The following PCDHGA2 variants were observed in gnomAD, a reference collection of about 807,000 sequenced individuals.
PCDHGA2 encodes protocadherin gamma subfamily A, 2.
Under a neutral mutation model 59.2 loss-of-function variants are expected in PCDHGA2, and 40 were observed. The observed-to-expected ratio is 0.68, with a 90% CI of 0.52 to 0.88. The LOEUF (loss-of-function observed/expected upper bound fraction) is 0.88. Ranked by LOEUF, PCDHGA2 falls within the 40% of genes least tolerant of loss-of-function variation. The pLI is 0.00. For synonymous variants in PCDHGA2, 560 were observed against 526.0 expected (o/e 1.06, Z -0.89); for missense variants, 1,226 against 1,204.0 (o/e 1.02, Z -0.27).
chr5:141,502,250 TA>T (rs2099813542), intron 2 of PCDHGA2, among the ~76,000 whole-genome samples: 1 of 152,242 alleles, frequency 6.6e-6, no homozygotes, highest in African/African-American at 2.4e-5. Flanking sequence ...TCCTTTTTTT[TA>T]ATCCAGGATT....
chr5:141,496,737 C>T (rs900394639), intron 2 of PCDHGA2, among the ~76,000 whole-genome samples: 9 of 152,168 alleles, frequency 5.9e-5, no homozygotes, highest in African/African-American at 2.2e-4. Context: ...TTCATTCGTT[C>T]ATTTATTCAA....
At chr5:141,413,229 C>A in intron 1 of PCDHGA2, 1 of 1,613,914 alleles carries the variant, frequency 6.2e-7, no homozygotes, top group South Asian at 1.1e-5. Context: ...GCGGGCTGGT[C>A]CTGCTCTGCC....
chr5:141,456,968 A>AAAACAAAC (rs202005606), intron 1 of PCDHGA2, among the ~76,000 whole-genome samples: 1 of 152,282 alleles, frequency 6.6e-6, no homozygotes, highest in Admixed American at 6.5e-5. Flanking sequence ...ATCTCAAAAC[A>AAAACAAAC]AAACAAACAA....
Position 141,487,007 on chromosome 5 carries a change from G to C in PCDHGA2, c.2425-7800G>C, listed in dbSNP as rs563548715. On this transcript the variant is annotated intron_variant, in intron 1 of 3. Transcript: ENST00000394576. This position sits in a 1 kb window ranked among gnomAD's most constrained non-coding sequence, Gnocchi z 5.0. ...TGCTTGGGTTTCCTATCAGCTCCTG[G>C]AGGCCCCAGATCCCAGCCTGTTTGC... The C allele has an allele frequency of 6.2e-7, 1 of 1,614,206 alleles. No individual in the cohort carries two copies. Among genetic ancestry groups the C allele is most frequent in the Non-Finnish European group, 8.5e-7 (1 of 1,180,042 alleles).
chr5:141,468,458 G>A (rs1047447240), intron 1 of PCDHGA2: 3 of 152,134 alleles, frequency 2.0e-5, no homozygotes, highest in African/African-American at 7.2e-5. Flanking sequence ...ATTAAAGCAA[G>A]TTATTTCTGA....
At chr5:141,449,273 C>T (rs1168190907) in intron 1 of PCDHGA2, among the ~76,000 whole-genome samples, 1 of 151,982 alleles carries the variant, frequency 6.6e-6, no homozygotes, top group Non-Finnish European at 1.5e-5. Flanking sequence ...ACTGTATCTC[C>T]TTCACCCGGA....
chr5:141,409,735 C>G lies in PCDHGA2; in HGVS notation c.2424+68340C>G, dbSNP rs763035733. Reference sequence around the variant, plus strand: ...CATACGTGTCAGTGAGCGCGCAGAGCGGGGTGGTGTTCGCGCAGCGCGCCT... The same window carrying G: ...CATACGTGTCAGTGAGCGCGCAGAGGGGGGTGGTGTTCGCGCAGCGCGCCT... On this transcript the variant is annotated intron_variant, in intron 1 of 3. Transcript: ENST00000394576. The G allele has an allele frequency of 3.7e-6, 6 of 1,613,006 alleles. No homozygotes were observed. The African/African-American group carries it at 8.0e-5, about 22-fold the overall frequency.
At chr5:141,383,731 A>C (rs373290954) in intron 1 of PCDHGA2, 4 of 1,613,882 alleles carry the variant, frequency 2.5e-6, no homozygotes, top group Non-Finnish European at 3.4e-6. Context: ...TGGGGAAGTG[A>C]CATATTCTTT....
At chr5:141,343,858 A>G in intron 1 of PCDHGA2, 1 of 552,346 alleles carries the variant, frequency 1.8e-6, no homozygotes, top group Non-Finnish European at 3.1e-6. Flanking sequence ...AATGCAAAGA[A>G]CCAGCAAATC....
At chr5:141,427,444 G>T (rs1184893966) in intron 1 of PCDHGA2, 1 of 482,228 alleles carries the variant, frequency 2.1e-6, no homozygotes, top group South Asian at 1.5e-5. Flanking sequence ...ATAAACGAAA[G>T]AGTTCCTTTT....
intron 1 of PCDHGA2, chr5:141,415,308 C>T: frequency 6.2e-7 from 1 of 1,614,236 alleles, no homozygotes; most frequent in Non-Finnish European, 8.5e-7. Flanking sequence ...TCCTGGCCTT[C>T]GTCATCGTGC....
At chr5:141,479,312 A>G (rs1218187495) in intron 1 of PCDHGA2, 5 of 152,526 alleles carry the variant, frequency 3.3e-5, no homozygotes, top group African/African-American at 9.6e-5. Context: ...GAAAACATAA[A>G]GTAGCCAGAC....
Position 141,365,610 on chromosome 5 carries a change from A to G in PCDHGA2, c.2424+24215A>G, listed in dbSNP as rs1764018673. 6.8e-6 allele frequency: 11 copies of G among 1,613,570 alleles called. No homozygotes were observed. Among genetic ancestry groups the G allele is most frequent in the African/African-American group, 1.3e-5 (1 of 74,926 alleles). ...AATATCACTTTAACCGTCATGGACC[A>G]TGGAACCCCGCCCCTCTCTACAGAA... On this transcript the variant is annotated intron_variant, in intron 1 of 3. Transcript: ENST00000394576.
chr5:141,487,196 G>A lies in PCDHGA2; in HGVS notation c.2425-7611G>A. On this transcript the variant is annotated intron_variant, in intron 1 of 3. Coordinates refer to ENST00000394576, the MANE Select transcript of PCDHGA2 (RefSeq NM_018915.4). This position sits in a 1 kb window ranked among gnomAD's most constrained non-coding sequence, Gnocchi z 5.0. Reference sequence around the variant, plus strand: ...GGAAGACACTCATCCAGTTGTCCCAGATCTTCGAGAATCTTCAGCTCCAAG... The same window carrying A: ...GGAAGACACTCATCCAGTTGTCCCAAATCTTCGAGAATCTTCAGCTCCAAG... The A allele has an allele frequency of 1.2e-6, 2 of 1,613,878 alleles. No homozygotes were observed. The highest frequency in any genetic ancestry group is 8.5e-7 in the Non-Finnish European group (1 of 1,179,796).
At chr5:141,364,124 G>A (rs1449257232) in intron 1 of PCDHGA2, 9 of 457,656 alleles carry the variant, frequency 2.0e-5, no homozygotes, top group Admixed American at 1.5e-4. Flanking sequence ...TCTGAGTGTC[G>A]CTGTTGACCA....
intron 1 of PCDHGA2, chr5:141,375,002 CTAGACTAT>C (rs1771028356): frequency 6.2e-7 from 1 of 1,613,890 alleles, no homozygotes; most frequent in Non-Finnish European, 8.5e-7. Flanking sequence ...TTCTGCAAAT[CTAGACTAT>C]GAGGACTCGA....
chr5:141,484,959 C>A, intron 1 of PCDHGA2: 2 of 575,576 alleles, frequency 3.5e-6, no homozygotes, highest in Non-Finnish European at 6.2e-6. Flanking sequence ...ATTGGCTGAG[C>A]CCGGGAGCCG....
intron 1 of PCDHGA2, chr5:141,424,411 C>T (rs1259102577): frequency 6.6e-6 from 1 of 152,154 alleles, no homozygotes; most frequent in Admixed American, 6.5e-5. Flanking sequence ...GGTGAAGTTA[C>T]ATTGACTGTT....
At chr5:141,404,097 T>C in intron 1 of PCDHGA2, 1 of 1,613,584 alleles carries the variant, frequency 6.2e-7, no homozygotes, top group Non-Finnish European at 8.5e-7. Flanking sequence ...AATGGTCAAG[T>C]TGTCTGTTCT....
Sources: gnomAD v4.1 joint callset for allele counts (sites outside exome capture counted in the v4.1 genomes callset) on GRCh38, gnomAD v4.1.1 for gene constraint, Gnocchi (gnomAD v3.1) non-coding constraint, MANE v1.5 for transcripts, NCBI Gene and HGNC (gene_info 2026-07-23, HGNC 2026-07-21) for gene names.